Variants in SMAD9 observed in about 807,000 individuals in gnomAD.
SMAD9 encodes the protein SMAD family member 9.
SMAD9 carries 36 observed loss-of-function variants against 46.1 expected under a neutral mutation model. That is an observed-to-expected ratio of 0.78 (90% CI 0.60 to 1.03). The LOEUF is 1.03. SMAD9 is among the 50% of genes least tolerant of loss of function. The pLI is 0.00. For synonymous variants in SMAD9, 245 were observed against 237.1 expected, an observed-to-expected ratio of 1.03 and a Z score of -0.31; for missense variants, 572 against 599.8, an observed-to-expected ratio of 0.95 and a Z score of 0.48.
chr13:36,881,476 C>T (rs1166562422), intron 1 of SMAD9, among the ~76,000 whole-genome samples: 1 of 152,208 alleles, frequency 6.6e-6, no homozygotes, highest in Non-Finnish European at 1.5e-5. Context: ...TATAACCCCC[C>T]GCTAGGGTGA....
At chr13:36,901,150 CTGTT>C (rs1371976725) in intron 1 of SMAD9, among the ~76,000 whole-genome samples, 4 of 152,148 alleles carry the variant, frequency 2.6e-5, no homozygotes, top group South Asian at 2.1e-4. Flanking sequence ...GCAAAAGTAT[CTGTT>C]TGAGTAGCTG....
chr13:36,888,454 T>C (rs546159036), intron 1 of SMAD9, among the ~76,000 whole-genome samples: 1 of 152,346 alleles, frequency 6.6e-6, no homozygotes, highest in African/African-American at 2.4e-5. Context: ...CTTTTGTTTA[T>C]AAAGTACCCA....
At chr13:36,905,154 T>C (rs1466073086) in intron 1 of SMAD9, among the ~76,000 whole-genome samples, 2 of 152,170 alleles carry the variant, frequency 1.3e-5, no homozygotes, top group African/African-American at 4.8e-5. Context: ...TCAGGGATAC[T>C]GTTAAACATC....
chr13:36,874,570 G>A (rs1260390171), intron 2 of SMAD9, among the ~76,000 whole-genome samples: 1 of 152,086 alleles, frequency 6.6e-6, no homozygotes, highest in East Asian at 1.9e-4. Flanking sequence ...AAACATAAGT[G>A]AGTGAGGCTG....
intron 1 of SMAD9, among the ~76,000 whole-genome samples, chr13:36,892,834 C>T (rs1355088417): frequency 6.6e-6 from 1 of 152,152 alleles, no homozygotes; most frequent in Non-Finnish European, 1.5e-5. Flanking sequence ...ACATTCTATG[C>T]AAAATCTCAA....
At chr13:36,918,166 T>A (rs560465055) in intron 1 of SMAD9, among the ~76,000 whole-genome samples, 8 of 152,330 alleles carry the variant, frequency 5.3e-5, no homozygotes, top group South Asian at 2.1e-4. Context: ...GTTAAAAAAA[T>A]TTTTTAAAGG....
At chr13:36,913,278 G>A (rs889106493) in intron 1 of SMAD9, among the ~76,000 whole-genome samples, 3 of 152,048 alleles carry the variant, frequency 2.0e-5, no homozygotes, top group African/African-American at 4.8e-5. Flanking sequence ...TCTCTTTCAC[G>A]CTAACTACAC....
intron 5 of SMAD9, 38 bp from the exon 6 acceptor site, chr13:36,853,713 T>C: frequency 6.2e-7 from 1 of 1,610,310 alleles, no homozygotes. Context: ...TCACATGCCC[T>C]TTCATAGCGT....
At chr13:36,853,333 C>A in intron 6 of SMAD9, 86 bp downstream of exon 6, 1 of 1,335,630 alleles carries the variant, frequency 7.5e-7, no homozygotes. Context: ...GAATTGACCG[C>A]ACAACTGCCT....
intron 5 of SMAD9, among the ~76,000 whole-genome samples, chr13:36,855,269 A>G (rs948839912): frequency 3.9e-4 from 59 of 151,594 alleles, no homozygotes; most frequent in African/African-American, 9.7e-4. Context: ...AAAAAAAAAA[A>G]AAAAAAGAAA....
In SMAD9 at chr13:36,872,796, G is replaced by C. The variant is rs753159199; in HGVS notation, c.532C>G (p.Pro178Ala). The change falls in exon 3 of 7, where the codon CCT becomes GCT. Residue 178 changes from proline (P) to alanine (A), a missense_variant. Physicochemically the swap from Pro to Ala is conservative, Grantham distance 27 (BLOSUM62 -1). Transcript: ENST00000379826. ...EPLMPHNATYPDSFQQPPCSA... is the reference protein window; with the variant it reads ...EPLMPHNATYADSFQQPPCSA... ...CACGGAGGCTGCTGGAAAGAGTCAG[G>C]ATAGGTGGCGTTGTGTGGCATGAGT... 6.2e-7 allele frequency: 1 copy of C among 1,614,120 alleles called. No homozygotes were observed. The highest frequency in any genetic ancestry group is 8.5e-7 in the Non-Finnish European group (1 of 1,180,024).
chr13:36,889,622 A>G (rs920910459), intron 1 of SMAD9, among the ~76,000 whole-genome samples: 7 of 152,180 alleles, frequency 4.6e-5, no homozygotes, highest in Non-Finnish European at 1.0e-4. Flanking sequence ...AAATTATATC[A>G]TTACATTACT....
intron 5 of SMAD9, among the ~76,000 whole-genome samples, chr13:36,855,424 G>A (rs1358254717): frequency 2.6e-5 from 4 of 151,988 alleles, no homozygotes; most frequent in Non-Finnish European, 5.9e-5. Flanking sequence ...AGAAATTCTA[G>A]TCTAGTGAAT....
intron 1 of SMAD9, among the ~76,000 whole-genome samples, chr13:36,907,694 T>C (rs2058629960): frequency 6.6e-6 from 1 of 152,096 alleles, no homozygotes; most frequent in African/African-American, 2.4e-5. Context: ...AAATAAATGT[T>C]AAAACGGTAA....
intron 2 of SMAD9, among the ~76,000 whole-genome samples, chr13:36,875,954 G>A (rs1476856464): frequency 6.6e-6 from 1 of 152,168 alleles, no homozygotes; most frequent in Admixed American, 6.5e-5. Context: ...AAAGAAAACT[G>A]ATAGTTTCAT....
In SMAD9 at chr13:36,879,889, C is replaced by T. The variant is rs377641628; in HGVS notation, c.-186-14G>A. The T allele has an allele frequency of 1.2e-5, 7 of 602,294 alleles. No homozygotes were observed. Among genetic ancestry groups the T allele is most frequent in the Non-Finnish European group, 2.9e-6 (1 of 339,434 alleles). The allele number at this position is 602,294 out of a possible 1,614,324, so 37.3% of individuals were successfully genotyped here. On this transcript the variant is annotated splice_polypyrimidine_tract_variant and intron_variant, in intron 1 of 6. Transcript: ENST00000379826. ...GGGTGGCCAACTCTGGAAAACACGACAAGACTTCAATTAGCTTAATCGGAG... is the reference window on the plus strand; with the variant it reads ...GGGTGGCCAACTCTGGAAAACACGATAAGACTTCAATTAGCTTAATCGGAG...
At chr13:36,885,045 C>T (rs2058433740) in intron 1 of SMAD9, among the ~76,000 whole-genome samples, 2 of 152,168 alleles carry the variant, frequency 1.3e-5, no homozygotes, top group African/African-American at 4.8e-5. Context: ...TTTTGACCCG[C>T]TAATCCATGA....
chr13:36,879,962 C>T, intron 1 of SMAD9, 87 bp from the exon 2 acceptor site: 1 of 489,334 alleles, frequency 2.0e-6, no homozygotes, highest in Non-Finnish European at 3.7e-6. Context: ...CAATCTACAC[C>T]TACAGTCCCA....
intron 1 of SMAD9, among the ~76,000 whole-genome samples, chr13:36,898,671 GTTAATAGAT>G (rs1346505441): frequency 1.6e-4 from 24 of 152,230 alleles, no homozygotes; most frequent in African/African-American, 5.3e-4. Flanking sequence ...ATACTATCAT[GTTAATAGAT>G]GCAGAAAAAA....
Sources: gnomAD v4.1 joint callset for allele counts (sites outside exome capture counted in the v4.1 genomes callset) on GRCh38, gnomAD v4.1.1 for gene constraint, MANE v1.5 for transcripts, NCBI Gene and HGNC (gene_info 2026-07-23, HGNC 2026-07-21) for gene names.